Variants in IGSF11 observed in about 807,000 individuals in gnomAD.
The protein encoded by IGSF11 is immunoglobulin superfamily member 11.
IGSF11 carries 22 observed loss-of-function variants against 41.0 expected under a neutral mutation model. That is an observed-to-expected ratio of 0.54 (90% CI 0.38 to 0.77). The LOEUF (loss-of-function observed/expected upper bound fraction) is 0.77, where lower values mean the gene tolerates loss of function less well. IGSF11 is among the 30% of genes least tolerant of loss of function. The pLI is 0.00. For synonymous variants in IGSF11, 219 were observed against 201.3 expected (o/e 1.09, Z -0.74); for missense variants, 444 against 530.8 (o/e 0.84, Z 1.61).
At chr3:118,947,309 G>A (rs1383210984) in intron 1 of IGSF11, 2 of 152,130 alleles carry the variant, frequency 1.3e-5, no homozygotes, top group African/African-American at 2.4e-5. Flanking sequence ...AAACATATAC[G>A]TGCACAATCT....
chr3:118,917,360 G>A (rs1186909613), intron 4 of IGSF11, among the ~76,000 whole-genome samples: 1 of 149,808 alleles, frequency 6.7e-6, no homozygotes, highest in Non-Finnish European at 1.5e-5. Flanking sequence ...TAGACCACTA[G>A]CAAGACTAAT....
intron 1 of IGSF11, among the ~76,000 whole-genome samples, chr3:118,997,009 G>A (rs969215683): frequency 6.6e-6 from 1 of 152,228 alleles, no homozygotes; most frequent in Non-Finnish European, 1.5e-5. Context: ...AGAGTAAGAT[G>A]ATGAGTTTTA....
intron 1 of IGSF11, among the ~76,000 whole-genome samples, chr3:119,139,063 A>G (rs908583479): frequency 1.3e-5 from 2 of 152,190 alleles, no homozygotes; most frequent in Admixed American, 1.3e-4. Flanking sequence ...GAGGTGACAG[A>G]TACCCCATTT....
chr3:118,957,515 TA>T (rs548799095), intron 1 of IGSF11, among the ~76,000 whole-genome samples: 433 of 152,306 alleles, frequency 2.8e-3, no homozygotes, highest in Non-Finnish European at 4.7e-3. Flanking sequence ...TGTGTCGACA[TA>T]GAGTTGTTAA....
chr3:119,040,172 C>A (rs907893267), intron 1 of IGSF11, among the ~76,000 whole-genome samples: 1 of 152,164 alleles, frequency 6.6e-6, no homozygotes, highest in Non-Finnish European at 1.5e-5. Flanking sequence ...GCAGACCCTG[C>A]ACAGGATGGA....
chr3:118,946,773 G>A (rs1362812241), intron 1 of IGSF11, among the ~76,000 whole-genome samples: 1 of 152,168 alleles, frequency 6.6e-6, no homozygotes, highest in East Asian at 1.9e-4. Flanking sequence ...TCCCTACTCT[G>A]CTATCACTGT....
intron 3 of IGSF11, among the ~76,000 whole-genome samples, chr3:118,927,352 G>C (rs931139938): frequency 6.6e-6 from 1 of 152,018 alleles, no homozygotes; most frequent in Non-Finnish European, 1.5e-5. Context: ...AAATAAGGTT[G>C]GATAATATGG....
intron 1 of IGSF11, among the ~76,000 whole-genome samples, chr3:118,949,024 T>C (rs77611503): frequency 6.6e-6 from 1 of 151,498 alleles, no homozygotes; most frequent in Non-Finnish European, 1.5e-5. Context: ...ACAATTTTTT[T>C]ATATAAAATG....
chr3:119,131,481 C>T (rs894150083), intron 1 of IGSF11, among the ~76,000 whole-genome samples: 3 of 151,830 alleles, frequency 2.0e-5, no homozygotes, highest in Admixed American at 2.0e-4. Flanking sequence ...AATGAAATAG[C>T]GAGAAGACAA....
At chr3:119,111,577 T>C (rs2077160755) in intron 1 of IGSF11, among the ~76,000 whole-genome samples, 1 of 152,226 alleles carries the variant, frequency 6.6e-6, no homozygotes, top group Admixed American at 6.5e-5. Flanking sequence ...ATCTGAAGCC[T>C]TCTTCTCTCA....
At chr3:119,069,013 G>A (rs182913464) in intron 1 of IGSF11, among the ~76,000 whole-genome samples, 3 of 141,996 alleles carry the variant, frequency 2.1e-5, no homozygotes, top group South Asian at 4.6e-4. Context: ...TGCAAGCTCC[G>A]CCTACCAGGT....
intron 1 of IGSF11, among the ~76,000 whole-genome samples, chr3:118,948,824 T>C (rs1338976285): frequency 6.7e-6 from 1 of 150,120 alleles, no homozygotes; most frequent in Non-Finnish European, 1.5e-5. Context: ...TAAAAAAAAA[T>C]AGCCGGGCAT....
chr3:119,051,296 G>A (rs906655515), intron 1 of IGSF11, among the ~76,000 whole-genome samples: 3 of 151,782 alleles, frequency 2.0e-5, no homozygotes, highest in Non-Finnish European at 4.4e-5. Flanking sequence ...CATGCAAATG[G>A]AAACCAAAAG....
At chr3:119,086,962 C>T (rs1172846239) in intron 1 of IGSF11, among the ~76,000 whole-genome samples, 1 of 152,126 alleles carries the variant, frequency 6.6e-6, no homozygotes, top group Non-Finnish European at 1.5e-5. Flanking sequence ...AAGTGGCAGA[C>T]TGAATAAAAA....
chr3:119,007,196 C>G (rs1413378421), intron 1 of IGSF11, among the ~76,000 whole-genome samples: 1 of 146,104 alleles, frequency 6.8e-6, no homozygotes, highest in Admixed American at 6.8e-5. Context: ...GTCTGAAAAG[C>G]GCAATATTCG....
intron 1 of IGSF11, among the ~76,000 whole-genome samples, chr3:119,030,342 C>T (rs1344419838): frequency 6.6e-6 from 1 of 152,024 alleles, no homozygotes; most frequent in East Asian, 1.9e-4. Flanking sequence ...CCATACTGTA[C>T]CTATATAATA....
intron 1 of IGSF11, among the ~76,000 whole-genome samples, chr3:119,082,078 C>T (rs2076594623): frequency 1.3e-5 from 2 of 152,262 alleles, no homozygotes; most frequent in South Asian, 2.1e-4. Context: ...ATTCAGTTTG[C>T]CTATAGTTAG....
chr3:118,969,549 G>C (rs1241723478), intron 1 of IGSF11, among the ~76,000 whole-genome samples: 1 of 152,074 alleles, frequency 6.6e-6, no homozygotes, highest in Non-Finnish European at 1.5e-5. Flanking sequence ...CTTCCCCCGT[G>C]AAAAAAGCAA....
At chr3:119,000,078 T>C (rs1936665770) in intron 1 of IGSF11, among the ~76,000 whole-genome samples, 1 of 149,730 alleles carries the variant, frequency 6.7e-6, no homozygotes, top group Non-Finnish European at 1.5e-5. Flanking sequence ...TTTTTTTTTT[T>C]TTTTTTTGGT....
Sources: allele counts gnomAD v4.1 joint callset (sites outside exome capture counted in the v4.1 genomes callset), GRCh38; gene constraint gnomAD v4.1.1; transcripts MANE v1.5; gene names NCBI Gene and HGNC (gene_info 2026-07-23, HGNC 2026-07-21).